Variants in ADGRL2 observed in about 807,000 individuals in gnomAD.
ADGRL2 encodes adhesion G protein-coupled receptor L2, also known as calcium-independent alpha-latrotoxin receptor 2.
Under a neutral mutation model 157.4 loss-of-function variants are expected in ADGRL2, and 44 were observed. The ratio of observed to expected loss-of-function variants is 0.28; its 90% CI spans 0.22 to 0.36. The LOEUF is 0.36. Ranked by LOEUF, ADGRL2 falls within the 10% of genes least tolerant of loss-of-function variation. ADGRL2 has a pLI of 1.00. For synonymous variants in ADGRL2, 585 were observed against 624.7 expected (o/e 0.94, Z 0.95); for missense variants, 1,510 against 1,768.9 (o/e 0.85, Z 2.63).
chr1:81,726,658 G>A (rs1362764971), intron 1 of ADGRL2, among the ~76,000 whole-genome samples: 3 of 152,042 alleles, frequency 2.0e-5, no homozygotes, highest in Non-Finnish European at 2.9e-5. Context: ...GATGCCAAGG[G>A]GTAAAAGTAG....
intron 2 of ADGRL2, among the ~76,000 whole-genome samples, chr1:81,509,349 G>GA (rs1449380498): frequency 1.5e-3 from 233 of 151,630 alleles, no homozygotes; most frequent in African/African-American, 5.4e-3. Context: ...AATCACTTCG[G>GA]AAAAAATACC....
intron 2 of ADGRL2, among the ~76,000 whole-genome samples, chr1:81,547,769 C>T (rs2080052740): frequency 6.6e-6 from 1 of 152,158 alleles, no homozygotes; most frequent in African/African-American, 2.4e-5. Context: ...CAGCTTCTCC[C>T]TCCCAGGGGC....
intron 1 of ADGRL2, among the ~76,000 whole-genome samples, chr1:81,401,779 G>T (rs1009832824): frequency 6.6e-6 from 1 of 152,132 alleles, no homozygotes. Flanking sequence ...CTGTGCATTA[G>T]GGGGTTATCT....
chr1:81,616,107 C>CA (rs1300952427), intron 3 of ADGRL2, among the ~76,000 whole-genome samples: 1 of 151,276 alleles, frequency 6.6e-6, no homozygotes, highest in Non-Finnish European at 1.5e-5. Flanking sequence ...CCATCACCTG[C>CA]AGAGCCATCC....
intron 3 of ADGRL2, among the ~76,000 whole-genome samples, chr1:81,610,104 AC>A (rs1301572073): frequency 5.9e-5 from 9 of 152,098 alleles, no homozygotes; most frequent in African/African-American, 2.2e-4. Flanking sequence ...TGCTAGTTGC[AC>A]CAGGGGTGCA....
intron 3 of ADGRL2, among the ~76,000 whole-genome samples, chr1:81,637,803 A>C (rs558836150): frequency 2.6e-5 from 4 of 152,288 alleles, no homozygotes; most frequent in African/African-American, 9.6e-5. Flanking sequence ...GAGATTAATC[A>C]TACACATTTC....
chr1:81,397,046 A>G (rs1202137017), intron 1 of ADGRL2, among the ~76,000 whole-genome samples: 1 of 152,210 alleles, frequency 6.6e-6, no homozygotes, highest in Non-Finnish European at 1.5e-5. Context: ...TTTAAGAACA[A>G]TTGGTATTCA....
At chr1:81,397,198 T>G (rs1221770540) in intron 1 of ADGRL2, among the ~76,000 whole-genome samples, 2 of 152,090 alleles carry the variant, frequency 1.3e-5, no homozygotes, top group Non-Finnish European at 2.9e-5. Context: ...TGGTAGGTTG[T>G]ATGTGTCCGG....
chr1:81,900,588 C>T (rs906898786), intron 2 of ADGRL2, among the ~76,000 whole-genome samples: 1 of 152,026 alleles, frequency 6.6e-6, no homozygotes, highest in African/African-American at 2.4e-5. Flanking sequence ...GTTGTAGTTC[C>T]AGTTGGGATG....
intron 2 of ADGRL2, among the ~76,000 whole-genome samples, chr1:81,515,459 A>AAAAT (rs772574945): frequency 0.023 from 3,514 of 151,452 alleles, 100 homozygotes; most frequent in African/African-American, 0.062. Flanking sequence ...AAAAAAAAAA[A>AAAAT]AGTCTTCTGT....
chr1:81,942,505 A>C (rs997804065), intron 5 of ADGRL2, among the ~76,000 whole-genome samples: 5 of 151,872 alleles, frequency 3.3e-5, no homozygotes, highest in African/African-American at 1.2e-4. Flanking sequence ...AACTTATGTA[A>C]AAGTTCTAAA....
At chr1:81,524,282 C>G (rs541656985) in intron 2 of ADGRL2, among the ~76,000 whole-genome samples, 1 of 152,086 alleles carries the variant, frequency 6.6e-6, no homozygotes, top group Non-Finnish European at 1.5e-5. Context: ...AGGAGAATGG[C>G]GTAAACCTGG....
At chr1:81,532,653 G>T (rs1293661249) in intron 2 of ADGRL2, among the ~76,000 whole-genome samples, 5 of 150,078 alleles carry the variant, frequency 3.3e-5, no homozygotes, top group Non-Finnish European at 7.4e-5. Flanking sequence ...GGTGGCTCAT[G>T]TCTGTAATCC....
intron 3 of ADGRL2, among the ~76,000 whole-genome samples, chr1:81,687,487 C>T (rs949416135): frequency 3.9e-5 from 6 of 152,148 alleles, no homozygotes; most frequent in African/African-American, 1.4e-4. Flanking sequence ...TGTCCATGTG[C>T]ATGAAATGCC....
At chr1:81,805,585 G>A (rs1458782439) in intron 1 of ADGRL2, among the ~76,000 whole-genome samples, 2 of 151,224 alleles carry the variant, frequency 1.3e-5, no homozygotes, top group South Asian at 2.1e-4. Flanking sequence ...AAGTGTAATC[G>A]GATGATCCTT....
rs957306031 is a variant in ADGRL2, at chr1:81,692,874, T to C, written c.-142-68937T>C. ...AGAAAGTTGAAAGTTCTGGTACCAC[T>C]GGATGACACTGGGCCAATATTCCCC... On this transcript the variant is annotated intron_variant, in intron 3 of 24. Coordinates refer to the ADGRL2 transcript ENST00000370721. Among the ~76,000 whole-genome samples, 39 of 152,292 alleles carry C rather than the reference T, an allele frequency of 2.6e-4. 1 individual carries two copies. The highest frequency in any genetic ancestry group is 8.9e-4 in the African/African-American group (37 of 41,570).
chr1:81,487,221 C>G (rs904911970), intron 2 of ADGRL2, among the ~76,000 whole-genome samples: 1 of 151,832 alleles, frequency 6.6e-6, no homozygotes, highest in African/African-American at 2.4e-5. Flanking sequence ...GATCAGACCA[C>G]TGCACTTCAG....
chr1:81,843,017 A>G (rs1212808112), intron 2 of ADGRL2, among the ~76,000 whole-genome samples: 1 of 152,212 alleles, frequency 6.6e-6, no homozygotes, highest in Non-Finnish European at 1.5e-5. Context: ...CACAACTCCC[A>G]TTAAATTAAT....
chr1:81,685,899 A>AT lies in ADGRL2; in HGVS notation c.-142-75906dup, dbSNP rs60691642. Among the ~76,000 whole-genome samples the AT allele has an allele frequency of 7.3e-3, 1,104 of 151,990 alleles. 13 individuals carry two copies. Among genetic ancestry groups the AT allele is most frequent in the African/African-American group, 0.025 (1,034 of 41,450 alleles). On this transcript the variant is annotated intron_variant, in intron 3 of 24. Coordinates refer to the ADGRL2 transcript ENST00000370721. ...CTGCATCTATTGTGATGATCATGTGATTTTTTGTTTTTAATTATGTTTATG... is the reference window on the plus strand; with the variant it reads ...CTGCATCTATTGTGATGATCATGTGATTTTTTTGTTTTTAATTATGTTTATG...
Sources: allele counts gnomAD v4.1 joint callset (sites outside exome capture counted in the v4.1 genomes callset), GRCh38; gene constraint gnomAD v4.1.1; transcripts MANE v1.5; gene names NCBI Gene and HGNC (gene_info 2026-07-23, HGNC 2026-07-21).